The following KAZN variants were observed in gnomAD, a reference collection of about 807,000 sequenced individuals.
KAZN encodes kazrin.
A neutral mutation model predicts 87.4 loss-of-function variants in KAZN; 40 were observed. The ratio of observed to expected loss-of-function variants is 0.46; its 90% CI spans 0.36 to 0.60. KAZN has a LOEUF of 0.60. Ranked by LOEUF, KAZN falls within the 20% of genes least tolerant of loss-of-function variation. KAZN has a pLI of 0.00. For synonymous variants in KAZN, 466 were observed against 458.3 expected (o/e 1.02, Z -0.22); for missense variants, 898 against 1,073.9 (o/e 0.84, Z 2.29).
chr1:14,420,603 G>A (rs113194031), intron 2 of KAZN, among the ~76,000 whole-genome samples: 1 of 152,230 alleles, frequency 6.6e-6, no homozygotes, highest in African/African-American at 2.4e-5. Context: ...CGGCAGGAGT[G>A]GGGAGGCTCA....
intron 1 of KAZN, among the ~76,000 whole-genome samples, chr1:14,802,838 C>T (rs562778315): frequency 9.3e-4 from 142 of 152,260 alleles, no homozygotes; most frequent in Non-Finnish European, 1.9e-3. Flanking sequence ...TTATTCTTAT[C>T]ACTGTTGTCT....
intron 2 of KAZN, among the ~76,000 whole-genome samples, chr1:14,413,143 CTAGA>C (rs149272170): frequency 0.031 from 4,747 of 150,892 alleles, 240 homozygotes; most frequent in African/African-American, 0.11. Context: ...TAGATACCTA[CTAGA>C]TAGAGATTAG....
intron 1 of KAZN, among the ~76,000 whole-genome samples, chr1:14,946,861 A>G (rs1300086451): frequency 6.6e-6 from 1 of 152,184 alleles, no homozygotes; most frequent in African/African-American, 2.4e-5. Flanking sequence ...GAGGTTGTGG[A>G]TTCCAGACTT....
At chr1:14,413,375 G>C (rs1422224841) in intron 2 of KAZN, among the ~76,000 whole-genome samples, 1 of 151,936 alleles carries the variant, frequency 6.6e-6, no homozygotes, top group Non-Finnish European at 1.5e-5. Context: ...CGGATCACGA[G>C]GTCAGGAGAT....
chr1:14,602,448 A>G (rs1319299520), intron 1 of KAZN, among the ~76,000 whole-genome samples: 2 of 152,214 alleles, frequency 1.3e-5, no homozygotes, highest in Non-Finnish European at 2.9e-5. Flanking sequence ...CGGTGGGGTC[A>G]CGGCAGCCTT....
At chr1:14,001,992 T>C (rs1371578467) in intron 1 of KAZN, among the ~76,000 whole-genome samples, 2 of 152,054 alleles carry the variant, frequency 1.3e-5, no homozygotes, top group African/African-American at 4.8e-5. Context: ...AAAGCCAAAA[T>C]TGGCAAATGG....
chr1:14,047,512 C>T (rs1350216219), intron 1 of KAZN, among the ~76,000 whole-genome samples: 1 of 152,196 alleles, frequency 6.6e-6, no homozygotes, highest in African/African-American at 2.4e-5. Flanking sequence ...CCTTCTTCTA[C>T]CTTAATGGCA....
At chr1:14,961,294 C>G (rs1390785271) in intron 2 of KAZN, among the ~76,000 whole-genome samples, 1 of 152,220 alleles carries the variant, frequency 6.6e-6, no homozygotes, top group African/African-American at 2.4e-5. Flanking sequence ...GTCCCTCTTG[C>G]TCACCATGAT....
chr1:14,522,212 C>T (rs920256190), intron 2 of KAZN, among the ~76,000 whole-genome samples: 2 of 152,152 alleles, frequency 1.3e-5, no homozygotes, highest in Admixed American at 6.5e-5. Context: ...GGCATAGGCA[C>T]GGCTGTATAA....
At chr1:14,738,977 A>T (rs1644002680) in intron 1 of KAZN, among the ~76,000 whole-genome samples, 1 of 152,180 alleles carries the variant, frequency 6.6e-6, no homozygotes, top group Non-Finnish European at 1.5e-5. Flanking sequence ...ATTCAAGACC[A>T]ACCTGGGCAA....
At chr1:14,944,108 T>C (rs575265576) in intron 1 of KAZN, among the ~76,000 whole-genome samples, 3 of 151,922 alleles carry the variant, frequency 2.0e-5, no homozygotes, top group Admixed American at 6.5e-5. Flanking sequence ...ACACACTGGA[T>C]ATGCAGCTTC....
chr1:14,081,764 GT>G, intron 1 of KAZN, among the ~76,000 whole-genome samples: 1 of 151,378 alleles, frequency 6.6e-6, no homozygotes, highest in East Asian at 2.0e-4. Context: ...TGTTTTGTTT[GT>G]TTTTTGAGAC....
chr1:14,123,419 C>G (rs1430511018), intron 1 of KAZN, among the ~76,000 whole-genome samples: 1 of 152,188 alleles, frequency 6.6e-6, no homozygotes, highest in African/African-American at 2.4e-5. Context: ...GGACCATTCC[C>G]TCCTAGCATC....
chr1:15,016,322 G>A (rs553550084), intron 2 of KAZN, among the ~76,000 whole-genome samples: 7 of 152,264 alleles, frequency 4.6e-5, no homozygotes, highest in Non-Finnish European at 8.8e-5. Flanking sequence ...TCTCACTTTT[G>A]TTGCCTAGGC....
intron 8 of KAZN, among the ~76,000 whole-genome samples, chr1:15,080,032 G>A (rs1639924297): frequency 6.6e-6 from 1 of 152,178 alleles, no homozygotes; most frequent in Non-Finnish European, 1.5e-5. Flanking sequence ...CCTAGGAACT[G>A]AGTGCAGAGC....
At chr1:14,135,596 C>T (rs1349690531) in intron 1 of KAZN, among the ~76,000 whole-genome samples, 1 of 152,098 alleles carries the variant, frequency 6.6e-6, no homozygotes, top group Admixed American at 6.5e-5. Context: ...TCAGAAATTC[C>T]CCTTCAGAGG....
rs145078739 is a variant in KAZN, at chr1:14,324,181, G to A, written c.249+143589G>A. On this transcript the variant is annotated intron_variant, in intron 2 of 16. Coordinates refer to the KAZN transcript ENST00000636203. ...TGCCAAATGTTTACTACTCTGTAAC[G>A]TGGATCACTATCTCCCTAGTCCCTG... Among the ~76,000 whole-genome samples the A allele has an allele frequency of 4.3e-3, 648 of 152,246 alleles. 2 individuals are homozygous for A. The highest frequency in any genetic ancestry group is 0.014 in the African/African-American group (587 of 41,526).
chr1:14,188,194 C>CGTGTGTGTGTGT (rs3033865), intron 2 of KAZN, among the ~76,000 whole-genome samples: 1,559 of 140,100 alleles, frequency 0.011, 13 homozygotes, highest in Non-Finnish European at 0.016. Flanking sequence ...GAGAGAGGAG[C>CGTGTGTGTGTGT]GTGTGTGTGT....
At chr1:14,315,674 A>G (rs532691480) in intron 2 of KAZN, among the ~76,000 whole-genome samples, 1 of 152,016 alleles carries the variant, frequency 6.6e-6, no homozygotes, top group South Asian at 2.1e-4. Context: ...TTGTGTTTGG[A>G]GTCTTTCTCT....
Sources: gnomAD v4.1 joint callset for allele counts (sites outside exome capture counted in the v4.1 genomes callset) on GRCh38, gnomAD v4.1.1 for gene constraint, MANE v1.5 for transcripts, NCBI Gene and HGNC (gene_info 2026-07-23, HGNC 2026-07-21) for gene names.